NKAIN3: variants seen among roughly 807,000 people sequenced by gnomAD.
The protein encoded by NKAIN3 is sodium/potassium transporting ATPase interacting 3, also known as sodium/potassium-transporting ATPase subunit beta-1-interacting protein 3.
A neutral mutation model predicts 30.2 loss-of-function variants in NKAIN3; 25 were observed. That is an observed-to-expected ratio of 0.83 (90% CI 0.60 to 1.16). NKAIN3 has a LOEUF of 1.16. NKAIN3 is among the 50% of genes most tolerant of loss of function. The probability of loss-of-function intolerance (pLI) is 0.00; values close to 1 mark genes in which losing one functional copy is unlikely to be tolerated. For synonymous variants in NKAIN3, 91 were observed against 89.6 expected, an observed-to-expected ratio of 1.02 and a Z score of -0.09; for missense variants, 225 against 254.1, an observed-to-expected ratio of 0.89 and a Z score of 0.78.
At chr8:62,347,823 A>G (rs1194186284) in intron 1 of NKAIN3, among the ~76,000 whole-genome samples, 1 of 152,102 alleles carries the variant, frequency 6.6e-6, no homozygotes, top group Non-Finnish European at 1.5e-5. Flanking sequence ...GGAAAGCAAG[A>G]GCTACTCATT....
intron 1 of NKAIN3, among the ~76,000 whole-genome samples, chr8:62,336,390 C>T (rs951232388): frequency 6.6e-6 from 1 of 152,072 alleles, no homozygotes; most frequent in African/African-American, 2.4e-5. Flanking sequence ...TAATGCCAAA[C>T]TTTCTGCCAG....
intron 1 of NKAIN3, among the ~76,000 whole-genome samples, chr8:62,326,803 T>A (rs1290354531): frequency 1.3e-5 from 2 of 151,976 alleles, no homozygotes; most frequent in Non-Finnish European, 2.9e-5. Context: ...TCAATTCTTT[T>A]GGGTATAAAC....
In NKAIN3 at chr8:62,631,663, C is replaced by G. The variant is rs150418900; in HGVS notation, c.273+41869C>G. On this transcript the variant is annotated intron_variant, in intron 3 of 6. Coordinates refer to ENST00000623646, the MANE Select transcript of NKAIN3 (RefSeq NM_001304533.3). ...TCCATCTGTTCCAAACTTATGTTAG[C>G]TTCCAGAGACTTCTGTTCTTTCACA... Among the ~76,000 whole-genome samples, 5 of 152,278 alleles carry G rather than the reference C, an allele frequency of 3.3e-5. No individual in the cohort carries two copies. In the East Asian group the frequency reaches 9.7e-4, roughly 29 times the overall value.
chr8:62,628,944 T>C (rs568080138), intron 3 of NKAIN3, among the ~76,000 whole-genome samples: 1 of 152,324 alleles, frequency 6.6e-6, no homozygotes, highest in South Asian at 2.1e-4. Flanking sequence ...CCTTGATACA[T>C]ATTTGTTGAA....
chr8:62,505,886 C>T (rs1400107296), intron 1 of NKAIN3, among the ~76,000 whole-genome samples: 1 of 152,060 alleles, frequency 6.6e-6, no homozygotes, highest in Non-Finnish European at 1.5e-5. Context: ...AAAATCAAGA[C>T]TCTGGCAGGG....
At chr8:62,375,633 A>G (rs1315549110) in intron 1 of NKAIN3, among the ~76,000 whole-genome samples, 1 of 152,188 alleles carries the variant, frequency 6.6e-6, no homozygotes, top group East Asian at 1.9e-4. Context: ...TACCAATCGG[A>G]GAGACAGAAG....
intron 4 of NKAIN3, among the ~76,000 whole-genome samples, chr8:62,833,153 G>A (rs1346315542): frequency 6.6e-6 from 1 of 151,988 alleles, no homozygotes; most frequent in Admixed American, 6.6e-5. Flanking sequence ...TGAAAACAGA[G>A]ACACAGCATA....
intron 1 of NKAIN3, among the ~76,000 whole-genome samples, chr8:62,261,638 C>G (rs926720127): frequency 2.0e-5 from 3 of 152,156 alleles, no homozygotes; most frequent in African/African-American, 7.2e-5. Flanking sequence ...TTCTTCCAGG[C>G]TGGGATAATC....
chr8:62,895,652 C>T (rs1231476023), intron 4 of NKAIN3, among the ~76,000 whole-genome samples: 1 of 152,140 alleles, frequency 6.6e-6, no homozygotes, highest in East Asian at 1.9e-4. Context: ...GGCGGGGTAT[C>T]TGTGAGAACC....
At chr8:62,838,735 C>A (rs565953135) in intron 4 of NKAIN3, among the ~76,000 whole-genome samples, 1 of 152,006 alleles carries the variant, frequency 6.6e-6, no homozygotes, top group Non-Finnish European at 1.5e-5. Context: ...ACAAAATAAT[C>A]GAAAATTATA....
At chr8:62,925,702 T>C (rs1347670121) in intron 5 of NKAIN3, among the ~76,000 whole-genome samples, 1 of 152,198 alleles carries the variant, frequency 6.6e-6, no homozygotes, top group Non-Finnish European at 1.5e-5. Context: ...CACTGACAGC[T>C]CTGACACTGC....
At chr8:62,943,403 G>A (rs992752165) in intron 5 of NKAIN3, among the ~76,000 whole-genome samples, 8 of 152,128 alleles carry the variant, frequency 5.3e-5, no homozygotes, top group Admixed American at 3.3e-4. Context: ...ATGTTGGCAT[G>A]GATGTGGTGA....
At chr8:62,489,219 GT>G (rs1161073480) in intron 1 of NKAIN3, among the ~76,000 whole-genome samples, 1 of 151,160 alleles carries the variant, frequency 6.6e-6, no homozygotes, top group Non-Finnish European at 1.5e-5. Flanking sequence ...TAGAGATGGG[GT>G]TTCACCATGT....
chr8:62,630,490 C>T (rs1225629784), intron 3 of NKAIN3, among the ~76,000 whole-genome samples: 1 of 151,952 alleles, frequency 6.6e-6, no homozygotes, highest in Non-Finnish European at 1.5e-5. Flanking sequence ...TTCTTAAAGG[C>T]TGACAGGAGA....
intron 4 of NKAIN3, among the ~76,000 whole-genome samples, chr8:62,835,385 A>C (rs1382861537): frequency 6.6e-6 from 1 of 152,152 alleles, no homozygotes; most frequent in Non-Finnish European, 1.5e-5. Context: ...TAAACAGACA[A>C]CCTACAGAGC....
At chr8:62,361,024 A>G in intron 1 of NKAIN3, among the ~76,000 whole-genome samples, 1 of 151,110 alleles carries the variant, frequency 6.6e-6, no homozygotes, top group Non-Finnish European at 1.5e-5. Flanking sequence ...AAAAAAAAAA[A>G]AAAAAAATGG....
intron 1 of NKAIN3, among the ~76,000 whole-genome samples, chr8:62,417,688 A>C (rs1194139817): frequency 2.0e-5 from 3 of 152,114 alleles, no homozygotes; most frequent in Non-Finnish European, 4.4e-5. Flanking sequence ...ATGATATCTC[A>C]TTGTAGTTTT....
intron 4 of NKAIN3, among the ~76,000 whole-genome samples, chr8:62,870,903 C>T (rs1820621984): frequency 6.7e-6 from 1 of 149,618 alleles, no homozygotes; most frequent in Non-Finnish European, 1.5e-5. Flanking sequence ...TACTGTTTAG[C>T]TTTGGAAAAG....
At chr8:62,250,431 T>C (rs1279156806) in intron 1 of NKAIN3, among the ~76,000 whole-genome samples, 1 of 152,232 alleles carries the variant, frequency 6.6e-6, no homozygotes, top group Non-Finnish European at 1.5e-5. Context: ...TATAGTTTCT[T>C]GAAAAAAATT....
Sources: gnomAD v4.1 joint callset for allele counts (sites outside exome capture counted in the v4.1 genomes callset) on GRCh38, gnomAD v4.1.1 for gene constraint, MANE v1.5 for transcripts, NCBI Gene and HGNC (gene_info 2026-07-23, HGNC 2026-07-21) for gene names.